Variants in FTCDNL1 observed in about 807,000 individuals in gnomAD.
FTCDNL1 encodes formiminotransferase N-terminal subdomain-containing protein.
In FTCDNL1, 11 loss-of-function variants were observed where a neutral mutation model predicts 5.9. That is an observed-to-expected ratio of 1.87 (90% CI 1.18 to 3.10). The LOEUF (loss-of-function observed/expected upper bound fraction) is 3.10. Among genes scored for constraint, FTCDNL1 ranks in the 30% most tolerant of loss-of-function variants. FTCDNL1 has a pLI of 0.00. For synonymous variants in FTCDNL1, 58 were observed against 24.8 expected (o/e 2.34, Z -3.99); for missense variants, 115 against 65.5 (o/e 1.76, Z -2.61).
the FTCDNL1 span, among the ~76,000 whole-genome samples, chr2:199,665,858 C>T: frequency 6.6e-6 from 1 of 151,088 alleles, no homozygotes; most frequent in African/African-American, 2.4e-5. Context: ...TTTGTAAGGC[C>T]CTGTTACCTC....
intron 3 of FTCDNL1, among the ~76,000 whole-genome samples, chr2:199,833,992 T>C (rs552345816): frequency 2.6e-5 from 4 of 152,304 alleles, no homozygotes; most frequent in East Asian, 1.9e-4. Flanking sequence ...ACAGGCTGAA[T>C]TGCGTTCTCC....
chr2:199,842,169 G>A (rs2106633954), intron 3 of FTCDNL1, among the ~76,000 whole-genome samples: 1 of 152,120 alleles, frequency 6.6e-6, no homozygotes, highest in East Asian at 1.9e-4. Flanking sequence ...CTGGGAGGCT[G>A]AGGCATGAGA....
chr2:199,761,685 T>C (rs1574434872), intron 3 of FTCDNL1, among the ~76,000 whole-genome samples: 1 of 152,140 alleles, frequency 6.6e-6, no homozygotes, highest in African/African-American at 2.4e-5. Context: ...GTAAGTAGGG[T>C]AAAATCCCAA....
intron 3 of FTCDNL1, among the ~76,000 whole-genome samples, chr2:199,768,871 TTG>T: frequency 6.6e-6 from 1 of 152,118 alleles, no homozygotes; most frequent in Non-Finnish European, 1.5e-5. Context: ...CTATTTAAGT[TTG>T]TCTCTCCACA....
At chr2:199,775,148 T>C (rs1177796707) in intron 3 of FTCDNL1, among the ~76,000 whole-genome samples, 1 of 152,234 alleles carries the variant, frequency 6.6e-6, no homozygotes, top group African/African-American at 2.4e-5. Flanking sequence ...ACATTCATTG[T>C]CTGCGTTCTC....
At chr2:199,727,458 G>A in the FTCDNL1 span, among the ~76,000 whole-genome samples, 2 of 152,344 alleles carry the variant, frequency 1.3e-5, no homozygotes, top group South Asian at 2.1e-4. Context: ...TGTGGCAAAA[G>A]TGTGGCTTCC....
At chr2:199,726,173 T>G in the FTCDNL1 span, among the ~76,000 whole-genome samples, 1 of 152,242 alleles carries the variant, frequency 6.6e-6, no homozygotes. Context: ...CTGCTTGGTC[T>G]ATTCAGCTAT....
the FTCDNL1 span, among the ~76,000 whole-genome samples, chr2:199,678,899 T>C: frequency 9.9e-4 from 150 of 152,268 alleles, 1 homozygote; most frequent in South Asian, 2.9e-3. Flanking sequence ...AAAATATTTA[T>C]CTGCATTTCT....
At chr2:199,728,739 A>T in the FTCDNL1 span, among the ~76,000 whole-genome samples, 1 of 152,182 alleles carries the variant, frequency 6.6e-6, no homozygotes, top group African/African-American at 2.4e-5. Flanking sequence ...ATTTGATCAC[A>T]TTGAGCATGT....
At chr2:199,673,180 T>G in the FTCDNL1 span, among the ~76,000 whole-genome samples, 1 of 149,776 alleles carries the variant, frequency 6.7e-6, no homozygotes, top group African/African-American at 2.4e-5. Context: ...ATACAAAAAT[T>G]ATCTGGGTGT....
chr2:199,771,148 T>C (rs1698788174), intron 3 of FTCDNL1, among the ~76,000 whole-genome samples: 1 of 152,228 alleles, frequency 6.6e-6, no homozygotes, highest in African/African-American at 2.4e-5. Context: ...CCACCTTAGT[T>C]TTGCAACATA....
the FTCDNL1 span, among the ~76,000 whole-genome samples, chr2:199,677,947 G>C: frequency 4.6e-5 from 7 of 152,152 alleles, no homozygotes; most frequent in Non-Finnish European, 5.9e-5. Flanking sequence ...GTCAAGTATG[G>C]GTTAAAGGGG....
chr2:199,712,655 G>A, the FTCDNL1 span, among the ~76,000 whole-genome samples: 2 of 152,184 alleles, frequency 1.3e-5, no homozygotes, highest in African/African-American at 2.4e-5. Context: ...AAGGGGGCAA[G>A]AGGGCCCTGC....
chr2:199,774,193 G>C (rs986216232), intron 3 of FTCDNL1, among the ~76,000 whole-genome samples: 1 of 152,120 alleles, frequency 6.6e-6, no homozygotes, highest in Non-Finnish European at 1.5e-5. Flanking sequence ...CATCCTAGCC[G>C]TGTGTTAGAA....
downstream of FTCDNL1, among the ~76,000 whole-genome samples, chr2:199,804,900 G>C (rs142325531): frequency 9.7e-3 from 1,473 of 152,284 alleles, 37 homozygotes; most frequent in Non-Finnish European, 7.3e-3. Context: ...AGAGAACAAG[G>C]GATCACAGAG....
intron 3 of FTCDNL1, among the ~76,000 whole-genome samples, chr2:199,777,730 G>C (rs1170647881): frequency 1.3e-5 from 2 of 152,090 alleles, no homozygotes; most frequent in African/African-American, 4.8e-5. Context: ...AAAATGGTTT[G>C]AGAGAGCTTG....
chr2:199,721,099 T>G, the FTCDNL1 span, among the ~76,000 whole-genome samples: 4 of 152,266 alleles, frequency 2.6e-5, no homozygotes, highest in South Asian at 8.3e-4. Context: ...GCTTGTCTCT[T>G]TCTTTTGTCT....
chr2:199,680,445 ACT>A, the FTCDNL1 span, among the ~76,000 whole-genome samples: 1 of 152,152 alleles, frequency 6.6e-6, no homozygotes. Context: ...GACAGAGAAG[ACT>A]CTGAAAATCA....
chr2:199,798,221 A>C (rs1286961453), intron 3 of FTCDNL1, among the ~76,000 whole-genome samples: 1 of 152,228 alleles, frequency 6.6e-6, no homozygotes, highest in African/African-American at 2.4e-5. Flanking sequence ...CTAGAGAGTT[A>C]TCTAGTTCTG....
Sources: gnomAD v4.1 joint callset for allele counts (sites outside exome capture counted in the v4.1 genomes callset) on GRCh38, gnomAD v4.1.1 for gene constraint, MANE v1.5 for transcripts, NCBI Gene and HGNC (gene_info 2026-07-23, HGNC 2026-07-21) for gene names.